Variants in SELENOF observed in about 807,000 individuals in gnomAD.
SELENOF encodes the protein 15 kDa selenoprotein.
Under a neutral mutation model 20.5 loss-of-function variants are expected in SELENOF, and 16 were observed. The observed-to-expected ratio is 0.78, with a 90% CI of 0.53 to 1.19. The LOEUF (loss-of-function observed/expected upper bound fraction) is 1.19, where lower values mean the gene tolerates loss of function less well. SELENOF is among the 50% of genes most tolerant of loss of function. The pLI is 0.00. For missense variants in SELENOF, 215 were observed against 194.2 expected (o/e 1.11, Z -0.64); for synonymous variants, 78 against 74.5 (o/e 1.05, Z -0.24).
chr1:86,911,705 T>C (rs2783977), intron 1 of SELENOF, among the ~76,000 whole-genome samples: 13,849 of 152,110 alleles, frequency 0.091, 737 homozygotes, highest in Non-Finnish European at 0.12. Context: ...AATTATTAAG[T>C]GGACTGGCTT....
At chr1:86,876,678 G>A (rs992458473) in intron 3 of SELENOF, among the ~76,000 whole-genome samples, 1 of 152,182 alleles carries the variant, frequency 6.6e-6, no homozygotes, top group South Asian at 2.1e-4. Flanking sequence ...GACACCATTC[G>A]GTAGAGTCAG....
chr1:86,910,702 CAAAAAAA>C (rs36124875), intron 1 of SELENOF, among the ~76,000 whole-genome samples: 4 of 82,806 alleles, frequency 4.8e-5, no homozygotes, highest in African/African-American at 1.6e-4. Flanking sequence ...GACTCCATAT[CAAAAAAA>C]AAAAAAAAAA....
At chr1:86,879,531 C>T (rs1048987309) in intron 3 of SELENOF, among the ~76,000 whole-genome samples, 10 of 152,068 alleles carry the variant, frequency 6.6e-5, no homozygotes, top group East Asian at 1.9e-4. Flanking sequence ...AAAGCATGTG[C>T]TAATACAGGC....
intron 3 of SELENOF, among the ~76,000 whole-genome samples, chr1:86,873,814 C>G (rs1230983991): frequency 6.8e-6 from 1 of 147,634 alleles, no homozygotes; most frequent in Non-Finnish European, 1.5e-5. Context: ...ATTGCGCTGT[C>G]GCACTCCAGC....
chr1:86,902,268 G>C (rs542899239), intron 2 of SELENOF, among the ~76,000 whole-genome samples: 1 of 152,268 alleles, frequency 6.6e-6, no homozygotes, highest in East Asian at 1.9e-4. Context: ...CCAGTAAAGT[G>C]AAAAACATGT....
At chr1:86,879,593 G>A (rs548969009) in intron 3 of SELENOF, among the ~76,000 whole-genome samples, 1 of 152,108 alleles carries the variant, frequency 6.6e-6, no homozygotes, top group Non-Finnish European at 1.5e-5. Flanking sequence ...AACTAAATAA[G>A]GCAAGAAATC....
Position 86,863,143 on chromosome 1 carries a change from CCT to C in SELENOF, c.*329_*330del. On this transcript the variant is annotated 3_prime_UTR_variant, in exon 5 of 5. Transcript: ENST00000331835. The stretch of plus-strand genomic sequence containing the variant: ...GCATAGTAATCATCTGTCTTGTTAA[CCT>C]CTCTAATTTAGAAATCTGTTGTTCG... The C allele has an allele frequency of 4.8e-6, 1 of 207,708 alleles. No individual in the cohort carries two copies. Among genetic ancestry groups the C allele is most frequent in the South Asian group, 8.9e-5 (1 of 11,290 alleles). The allele number at this position is 207,708 out of a possible 1,614,324, so 12.9% of individuals were successfully genotyped here.
intron 3 of SELENOF, among the ~76,000 whole-genome samples, chr1:86,878,641 C>T (rs1658984636): frequency 1.3e-5 from 2 of 152,224 alleles, no homozygotes; most frequent in South Asian, 4.1e-4. Flanking sequence ...GAAATTGCGC[C>T]ACTGCACTCC....
At chr1:86,892,743 TA>T (rs1659422636) in intron 2 of SELENOF, among the ~76,000 whole-genome samples, 1 of 152,162 alleles carries the variant, frequency 6.6e-6, no homozygotes, top group East Asian at 1.9e-4. Flanking sequence ...GGGCCTTAAA[TA>T]AAGCCCAATT....
chr1:86,872,562 G>A (rs1018719305), intron 3 of SELENOF, among the ~76,000 whole-genome samples: 12 of 135,220 alleles, frequency 8.9e-5, no homozygotes, highest in African/African-American at 3.6e-4. Flanking sequence ...TGTATTTTTA[G>A]TAAAGACGAG....
At chr1:86,886,476 A>G (rs1318743324) in intron 2 of SELENOF, among the ~76,000 whole-genome samples, 2 of 151,204 alleles carry the variant, frequency 1.3e-5, no homozygotes, top group Non-Finnish European at 3.0e-5. Flanking sequence ...GCTTGTAGCT[A>G]TAGATTCTCA....
chr1:86,867,320 A>C (rs566745987), intron 4 of SELENOF, among the ~76,000 whole-genome samples: 1 of 152,098 alleles, frequency 6.6e-6, no homozygotes, highest in African/African-American at 2.4e-5. Context: ...GCGAAACCCC[A>C]TCTCTACTAA....
intron 4 of SELENOF, among the ~76,000 whole-genome samples, chr1:86,863,909 A>G (rs184847477): frequency 1.1e-3 from 164 of 152,230 alleles, no homozygotes; most frequent in Non-Finnish European, 1.4e-3. Context: ...CCACCTCCCG[A>G]TTTCAAGTGA....
At chr1:86,875,820 A>G (rs1004971414) in intron 3 of SELENOF, among the ~76,000 whole-genome samples, 1 of 152,212 alleles carries the variant, frequency 6.6e-6, no homozygotes, top group Non-Finnish European at 1.5e-5. Flanking sequence ...ATTTTGAATG[A>G]ACTGGAATTT....
intron 3 of SELENOF, among the ~76,000 whole-genome samples, chr1:86,878,831 A>T (rs1658989445): frequency 6.6e-6 from 1 of 152,256 alleles, no homozygotes; most frequent in African/African-American, 2.4e-5. Flanking sequence ...TAATGGTTTT[A>T]TCACAATTAT....
intron 2 of SELENOF, among the ~76,000 whole-genome samples, chr1:86,890,671 T>C (rs1448478490): frequency 6.6e-6 from 1 of 151,174 alleles, no homozygotes; most frequent in Non-Finnish European, 1.5e-5. Flanking sequence ...TTTTTTTTTT[T>C]AATTTTTTGT....
chr1:86,893,105 C>A (rs1037650934), intron 2 of SELENOF, among the ~76,000 whole-genome samples: 1 of 152,146 alleles, frequency 6.6e-6, no homozygotes, highest in Admixed American at 6.5e-5. Context: ...AGATTATACC[C>A]TAGTTTCCTC....
At position 86,887,086 on chromosome 1, in the gene SELENOF, G is replaced by T. The variant is rs1165016521; in HGVS notation, c.253-6361C>A. ...CTAAACCATGTTTAGTGATCTACTG[G>T]TGTTTTAAATTTGCTGTTCATCTTC... On this transcript the variant is annotated intron_variant, in intron 2 of 4. Transcript: ENST00000331835. The T allele has an allele frequency of 3.9e-5, 56 of 1,434,006 alleles. No individual in the cohort carries two copies. The South Asian group carries it at 4.8e-4, about 12-fold the overall frequency. 88.8% of individuals were successfully genotyped at this position (1,434,006 alleles called of 1,614,324 possible).
intron 4 of SELENOF, among the ~76,000 whole-genome samples, chr1:86,864,003 C>T (rs940455901): frequency 2.0e-5 from 3 of 152,122 alleles, no homozygotes; most frequent in Non-Finnish European, 2.9e-5. Flanking sequence ...AGTAGCAAGA[C>T]AGTTTATTGG....
Sources: allele counts gnomAD v4.1 joint callset (sites outside exome capture counted in the v4.1 genomes callset), GRCh38; gene constraint gnomAD v4.1.1; transcripts MANE v1.5; gene names NCBI Gene and HGNC (gene_info 2026-07-23, HGNC 2026-07-21).